Variants in GRHL2 observed in about 807,000 individuals in gnomAD.
GRHL2 encodes grainyhead-like protein 2 homolog.
Under a neutral mutation model 83.8 loss-of-function variants are expected in GRHL2, and 21 were observed. That is an observed-to-expected ratio of 0.25 (90% CI 0.18 to 0.36). The LOEUF is 0.36. Ranked by LOEUF, GRHL2 falls within the 10% of genes least tolerant of loss-of-function variation. GRHL2 has a pLI of 1.00. For synonymous variants in GRHL2, 280 were observed against 278.9 expected, an observed-to-expected ratio of 1.00 and a Z score of -0.04; for missense variants, 623 against 781.8, an observed-to-expected ratio of 0.80 and a Z score of 2.42.
At chr8:101,499,625 T>C (rs1181865257) in intron 1 of GRHL2, among the ~76,000 whole-genome samples, 1 of 152,206 alleles carries the variant, frequency 6.6e-6, no homozygotes, top group African/African-American at 2.4e-5. Flanking sequence ...CAGCAGATGA[T>C]GTCAACTAGG....
intron 8 of GRHL2, among the ~76,000 whole-genome samples, chr8:101,601,175 CACACACACA>C (rs1812503393): frequency 6.6e-6 from 1 of 151,306 alleles, no homozygotes; most frequent in African/African-American, 2.4e-5. Flanking sequence ...CACACACACA[CACACACACA>C]CACACCCCAC....
intron 8 of GRHL2, among the ~76,000 whole-genome samples, chr8:101,604,448 C>A (rs1812588199): frequency 6.6e-6 from 1 of 152,152 alleles, no homozygotes; most frequent in Non-Finnish European, 1.5e-5. Flanking sequence ...TTGTCCAGGG[C>A]TGTTTTCTCT....
At chr8:101,565,707 T>C (rs1184918964) in intron 4 of GRHL2, among the ~76,000 whole-genome samples, 1 of 152,244 alleles carries the variant, frequency 6.6e-6, no homozygotes, top group Non-Finnish European at 1.5e-5. Context: ...TGGCTAGAAC[T>C]AGCCACCTGA....
At chr8:101,561,532 T>C (rs906856129) in intron 4 of GRHL2, among the ~76,000 whole-genome samples, 3 of 152,180 alleles carry the variant, frequency 2.0e-5, no homozygotes, top group African/African-American at 7.2e-5. Context: ...AAGATGCAAA[T>C]AAACCAAGCA....
chr8:101,511,456 C>A (rs1195837577), intron 1 of GRHL2, among the ~76,000 whole-genome samples: 2 of 152,132 alleles, frequency 1.3e-5, no homozygotes, highest in African/African-American at 4.8e-5. Context: ...ATTCCTCAAG[C>A]GACGCCTCAG....
chr8:101,649,370 G>T (rs1386400749), intron 13 of GRHL2, 44 bp from the exon 14 acceptor site: 1 of 1,481,542 alleles, frequency 6.7e-7, no homozygotes, highest in East Asian at 2.3e-5. Flanking sequence ...CTGTGGAATT[G>T]TGCAGCCCCT....
intron 1 of GRHL2, among the ~76,000 whole-genome samples, chr8:101,498,489 G>C (rs574521123): frequency 6.6e-6 from 1 of 152,290 alleles, no homozygotes; most frequent in Non-Finnish European, 1.5e-5. Flanking sequence ...CAAAGGTAAA[G>C]AGCTCTAGTT....
intron 1 of GRHL2, among the ~76,000 whole-genome samples, chr8:101,502,405 A>G (rs777541193): frequency 2.6e-5 from 4 of 152,166 alleles, no homozygotes; most frequent in Non-Finnish European, 5.9e-5. Context: ...ACCAAAATCA[A>G]CGGTGGTCTG....
In GRHL2 at chr8:101,631,839, G is replaced by A. The variant is rs1369959304; in HGVS notation, c.1345+115G>A. ...TAAAACTGCATACATGCAAGGCATG[G>A]TTTGCTTTCCCCTGGCAGTGGAGAC... On this transcript the variant is annotated intron_variant, in intron 10 of 15. Coordinates refer to ENST00000646743, the MANE Select transcript of GRHL2 (RefSeq NM_024915.4). 2.1e-5 allele frequency: 18 copies of A among 855,420 alleles called. No individual in the cohort carries two copies. In the Admixed American group the frequency reaches 3.3e-4, roughly 16 times the overall value. 53.0% of individuals were successfully genotyped at this position (855,420 alleles called of 1,614,324 possible).
At chr8:101,531,388 C>T (rs1483183882) in intron 1 of GRHL2, among the ~76,000 whole-genome samples, 4 of 152,060 alleles carry the variant, frequency 2.6e-5, no homozygotes, top group Admixed American at 2.0e-4. Flanking sequence ...ATTAACATAA[C>T]GAATACATGA....
At chr8:101,513,241 C>T (rs1440586099) in intron 1 of GRHL2, among the ~76,000 whole-genome samples, 2 of 152,030 alleles carry the variant, frequency 1.3e-5, no homozygotes, top group Non-Finnish European at 1.5e-5. Context: ...GTATTCATCA[C>T]GATCCCACTA....
chr8:101,590,045 A>G (rs750829197), intron 7 of GRHL2, among the ~76,000 whole-genome samples: 6 of 152,024 alleles, frequency 3.9e-5, no homozygotes, highest in Non-Finnish European at 8.8e-5. Context: ...ACCAAGAAAA[A>G]CTGTCTGAGG....
chr8:101,509,646 A>G lies in GRHL2; in HGVS notation c.20+16857A>G, dbSNP rs557315898. Among the ~76,000 whole-genome samples the G allele has an allele frequency of 3.2e-4, 48 of 152,260 alleles. No homozygotes were observed. In the South Asian group the frequency reaches 9.7e-3, roughly 31 times the overall value. Reference sequence around the variant, plus strand: ...TATGGTTAGCCTTTTAGATATATATATATTTTTTCCTCTACAAATCTTGCA... The same window carrying G: ...TATGGTTAGCCTTTTAGATATATATGTATTTTTTCCTCTACAAATCTTGCA... On this transcript the variant is annotated intron_variant, in intron 1 of 15. Coordinates refer to ENST00000646743, the MANE Select transcript of GRHL2 (RefSeq NM_024915.4).
intron 7 of GRHL2, among the ~76,000 whole-genome samples, chr8:101,591,112 G>A: frequency 6.6e-6 from 1 of 152,100 alleles, no homozygotes; most frequent in Admixed American, 6.5e-5. Context: ...CTATTAACAG[G>A]CCAGTGATTA....
intron 7 of GRHL2, among the ~76,000 whole-genome samples, chr8:101,597,597 G>A (rs112829412): frequency 0.15 from 23,124 of 150,116 alleles, 1,926 homozygotes; most frequent in African/African-American, 0.21. Context: ...ACAGAACACC[G>A]CATGTTCTCA....
At chr8:101,673,304 C>A (rs1305416690), downstream of GRHL2, among the ~76,000 whole-genome samples, 2 of 151,948 alleles carry the variant, frequency 1.3e-5, no homozygotes, top group East Asian at 3.9e-4. Context: ...ATTCAGGAAA[C>A]CCATCTCACG....
At chr8:101,546,440 C>T (rs1811268477) in intron 2 of GRHL2, among the ~76,000 whole-genome samples, 1 of 148,412 alleles carries the variant, frequency 6.7e-6, no homozygotes, top group Non-Finnish European at 1.5e-5. Flanking sequence ...GACAGAGTCT[C>T]GCTCTGTTGC....
At chr8:101,642,487 T>G (rs1813421375) in intron 12 of GRHL2, among the ~76,000 whole-genome samples, 1 of 152,204 alleles carries the variant, frequency 6.6e-6, no homozygotes, top group Admixed American at 6.5e-5. Flanking sequence ...AGTCACTGAC[T>G]GCTGTGAATG....
intron 4 of GRHL2, among the ~76,000 whole-genome samples, chr8:101,565,394 G>A (rs1811695921): frequency 6.6e-6 from 1 of 152,122 alleles, no homozygotes; most frequent in African/African-American, 2.4e-5. Context: ...GTTAACAATA[G>A]TTTCTGGTTT....
Sources: gnomAD v4.1 joint callset for allele counts (sites outside exome capture counted in the v4.1 genomes callset) on GRCh38, gnomAD v4.1.1 for gene constraint, MANE v1.5 for transcripts, NCBI Gene and HGNC (gene_info 2026-07-23, HGNC 2026-07-21) for gene names.